The following SHQ1 variants were observed in gnomAD, a reference collection of about 807,000 sequenced individuals.
The protein encoded by SHQ1 is SHQ1, H/ACA ribonucleoprotein assembly factor.
A neutral mutation model predicts 53.8 loss-of-function variants in SHQ1; 49 were observed. The observed-to-expected ratio is 0.91, with a 90% CI of 0.72 to 1.16. The LOEUF (loss-of-function observed/expected upper bound fraction) is 1.16, where lower values mean the gene tolerates loss of function less well. Among genes scored for constraint, SHQ1 ranks in the 50% most tolerant of loss-of-function variants. The probability of loss-of-function intolerance (pLI) is 0.00; values close to 1 mark genes in which losing one functional copy is unlikely to be tolerated. For missense variants in SHQ1, 738 were observed against 683.1 expected (o/e 1.08, Z -0.90); for synonymous variants, 243 against 251.0 (o/e 0.97, Z 0.30).
chr3:72,732,065 G>A, the SHQ1 span, among the ~76,000 whole-genome samples: 6 of 151,694 alleles, frequency 4.0e-5, no homozygotes, highest in East Asian at 1.9e-4. Context: ...CTCACTGAGC[G>A]CTTTCCTTGG....
intron 1 of SHQ1, among the ~76,000 whole-genome samples, chr3:72,847,864 G>C (rs927486283): frequency 1.3e-5 from 2 of 152,158 alleles, no homozygotes; most frequent in African/African-American, 4.8e-5. Flanking sequence ...AGCAAACGCG[G>C]AGTGAAAGGA....
At chr3:72,844,294 G>A in intron 2 of SHQ1, 65 bp downstream of exon 2, 1 of 1,336,668 alleles carries the variant, frequency 7.5e-7, no homozygotes, top group South Asian at 1.2e-5. Context: ...TATCTTGTAA[G>A]ATTATTATGT....
intron 10 of SHQ1, among the ~76,000 whole-genome samples, chr3:72,784,596 T>C (rs1223667880): frequency 6.6e-6 from 1 of 152,212 alleles, no homozygotes; most frequent in Non-Finnish European, 1.5e-5. Flanking sequence ...AATAAGCACC[T>C]TACCAAGAAT....
chr3:72,824,880 C>T (rs1707602376), intron 5 of SHQ1, among the ~76,000 whole-genome samples: 2 of 151,510 alleles, frequency 1.3e-5, no homozygotes, highest in Non-Finnish European at 2.9e-5. Flanking sequence ...CAGCTCACTG[C>T]AGCCTCAAAC....
chr3:72,793,779 TCTA>T (rs1175819126), intron 9 of SHQ1: 1 of 152,212 alleles, frequency 6.6e-6, no homozygotes, highest in Non-Finnish European at 1.5e-5. Flanking sequence ...CAAGGAGTTA[TCTA>T]CTAATAACAA....
At chr3:72,787,691 T>C (rs2106777551) in intron 10 of SHQ1, among the ~76,000 whole-genome samples, 1 of 152,254 alleles carries the variant, frequency 6.6e-6, no homozygotes, top group South Asian at 2.1e-4. Flanking sequence ...GGTTTAAAAA[T>C]GCATTGGGGC....
chr3:72,755,406 G>A (rs1559658955), intron 10 of SHQ1, among the ~76,000 whole-genome samples: 2 of 152,264 alleles, frequency 1.3e-5, no homozygotes, highest in East Asian at 1.9e-4. Flanking sequence ...AAGCTGGCTA[G>A]CTTCCTAAAT....
intron 9 of SHQ1, among the ~76,000 whole-genome samples, chr3:72,803,153 G>A (rs1706840766): frequency 6.6e-6 from 1 of 152,114 alleles, no homozygotes; most frequent in Non-Finnish European, 1.5e-5. Context: ...AGGCTGACCT[G>A]GGCTCTCAGA....
downstream of SHQ1, among the ~76,000 whole-genome samples, chr3:72,744,800 T>C (rs780990989): frequency 6.6e-5 from 10 of 152,088 alleles, no homozygotes; most frequent in African/African-American, 1.9e-4. Flanking sequence ...AGAGAAACAT[T>C]TGCAATCTTT....
Position 72,842,257 on chromosome 3 carries a change from C to T in SHQ1, c.331+23G>A, listed in dbSNP as rs201791057. ...CAAATATTTCTATTTATCCTAATTT[C>T]CTCCCAACTGTAATAAACATACCTA... On this transcript the variant is annotated intron_variant, in intron 3 of 10. Transcript: ENST00000325599. The T allele has an allele frequency of 5.6e-6, 9 of 1,609,726 alleles. No homozygotes were observed. The East Asian group carries it at 1.1e-4, about 20-fold the overall frequency.
At chr3:72,840,866 A>C (rs751917899) in intron 4 of SHQ1, among the ~76,000 whole-genome samples, 179 bp downstream of exon 4, 1 of 152,210 alleles carries the variant, frequency 6.6e-6, no homozygotes, top group Non-Finnish European at 1.5e-5. Context: ...AGTTAGGCAG[A>C]ACAGCCAATG....
rs759372251 is a variant in SHQ1, at chr3:72,750,372, G to GC, written c.1645_1646insG (p.Thr549SerfsTer6). ...GCCCTTGGGTTCAGAAACCTGAACT[G>GC]TAGTCTTCAGTTGTTCCCCAAGCTC... On this transcript the variant is annotated frameshift_variant, in exon 11 of 11. Transcript: ENST00000325599. LOFTEE classifies it low-confidence loss of function (END_TRUNC). 1 of 1,614,174 alleles carries GC rather than the reference G, an allele frequency of 6.2e-7. No individual in the cohort carries two copies. Among genetic ancestry groups the GC allele is most frequent in the Non-Finnish European group, 8.5e-7 (1 of 1,180,030 alleles).
intron 10 of SHQ1, chr3:72,753,241 T>G (rs1705427584): frequency 1.0e-6 from 1 of 985,290 alleles, no homozygotes; most frequent in African/African-American, 1.7e-5. Flanking sequence ...TACAAAACAT[T>G]GAGTGGCTTT....
intron 6 of SHQ1, among the ~76,000 whole-genome samples, chr3:72,820,244 A>G (rs908709413): frequency 2.0e-5 from 3 of 152,214 alleles, no homozygotes; most frequent in Non-Finnish European, 4.4e-5. Context: ...CATTATCCAC[A>G]TGTAAGTATT....
In SHQ1 at chr3:72,795,785, T is replaced by C. The variant is rs148150564; in HGVS notation, c.1061-2749A>G. On this transcript the variant is annotated intron_variant, in intron 9 of 10. Transcript: ENST00000325599. ...TACTCTCTCTCAAGATCCCACACTT[T>C]ACTAATATAAACAGGTTAACAGAAA... Among the ~76,000 whole-genome samples, 327 of 152,306 alleles carry C rather than the reference T, an allele frequency of 2.1e-3. 1 individual carries two copies. Among genetic ancestry groups the C allele is most frequent in the Non-Finnish European group, 3.4e-3 (234 of 68,018 alleles).
Position 72,751,535 on chromosome 3 carries a change from T to TATATATATATATATAC in SHQ1, c.1182-700_1182-699insGTATATATATATATAT, listed in dbSNP as rs1444853961. Reference sequence around the variant, plus strand: ...ATATATATATATATATATATACATATACATACACTAATAAAGCCTAACTCT... The same window carrying TATATATATATATATAC: ...ATATATATATATATATATATACATATATATATATATATATACACATACACTAATAAAGCCTAACTCT... On this transcript the variant is annotated intron_variant, in intron 10 of 10. Coordinates refer to ENST00000325599, the MANE Select transcript of SHQ1 (RefSeq NM_018130.3). Among the ~76,000 whole-genome samples the TATATATATATATATAC allele has an allele frequency of 3.1e-3, 432 of 139,858 alleles. 17 individuals carry two copies. Among genetic ancestry groups the TATATATATATATATAC allele is most frequent in the African/African-American group, 0.013 (422 of 33,336 alleles). 91.8% of individuals were successfully genotyped at this position (139,858 alleles called of 152,430 possible). A position where few individuals can be genotyped will look rare whatever the true frequency, so the allele number is the denominator to read the frequency against.
chr3:72,772,153 T>C (rs940531183), intron 10 of SHQ1, among the ~76,000 whole-genome samples: 4 of 152,010 alleles, frequency 2.6e-5, no homozygotes, highest in African/African-American at 9.7e-5. Flanking sequence ...GATGATTTAG[T>C]TGGGTTCGTC....
chr3:72,812,808 T>C lies in SHQ1; in HGVS notation c.937-14A>G. ...GTTAGTCCAAGTCTGTGAAGTGTCA[T>C]TTTAATAAGCAGTCATTTCCACAAA... On this transcript the variant is annotated splice_polypyrimidine_tract_variant and intron_variant, in intron 8 of 10. Transcript: ENST00000325599. 6.2e-7 allele frequency: 1 copy of C among 1,613,428 alleles called. No homozygotes were observed. The highest frequency in any genetic ancestry group is 8.5e-7 in the Non-Finnish European group (1 of 1,179,676).
At chr3:72,763,961 G>C (rs1705664243) in intron 10 of SHQ1, among the ~76,000 whole-genome samples, 1 of 150,834 alleles carries the variant, frequency 6.6e-6, no homozygotes, top group African/African-American at 2.4e-5. Flanking sequence ...CCTTACAGCA[G>C]AACAGAAATT....
Sources: allele counts gnomAD v4.1 joint callset (sites outside exome capture counted in the v4.1 genomes callset), GRCh38; gene constraint gnomAD v4.1.1; transcripts MANE v1.5; gene names NCBI Gene and HGNC (gene_info 2026-07-23, HGNC 2026-07-21).